Variants in ADNP2 observed in about 807,000 individuals in gnomAD.
ADNP2 encodes the protein activity-dependent neuroprotector homeobox protein 2.
ADNP2 carries 8 observed loss-of-function variants against 16.4 expected under a neutral mutation model. That is an observed-to-expected ratio of 0.49 (90% confidence interval 0.29 to 0.88). ADNP2 has a LOEUF of 0.88. ADNP2 is among the 40% of genes least tolerant of loss of function. The pLI is 0.09. For synonymous variants in ADNP2, 637 were observed against 545.8 expected (o/e 1.17, Z -2.33); for missense variants, 1,397 against 1,395.1 (o/e 1.00, Z -0.02).
chr18:80,116,341 T>G (rs2052389219), intron 1 of ADNP2, among the ~76,000 whole-genome samples: 2 of 152,222 alleles, frequency 1.3e-5, no homozygotes, highest in Non-Finnish European at 2.9e-5. Context: ...AGTGTTGTCA[T>G]GAACATCCTT....
chr18:80,119,526 G>GGT (rs2052411142), intron 2 of ADNP2, among the ~76,000 whole-genome samples: 1 of 152,008 alleles, frequency 6.6e-6, no homozygotes, highest in Non-Finnish European at 1.5e-5. Context: ...CTGTATTTCA[G>GGT]ATTTCAGAGT....
chr18:80,117,944 T>A (rs2052399753), intron 2 of ADNP2, among the ~76,000 whole-genome samples: 1 of 152,196 alleles, frequency 6.6e-6, no homozygotes, highest in Admixed American at 6.5e-5. Flanking sequence ...CTAACTTAAT[T>A]TCCCAGTATT....
At chr18:80,112,014 G>A (rs1441240152) in intron 1 of ADNP2, among the ~76,000 whole-genome samples, 3 of 152,064 alleles carry the variant, frequency 2.0e-5, no homozygotes, top group Non-Finnish European at 4.4e-5. Flanking sequence ...TAAACATTAG[G>A]AATTGAGATT....
At position 80,138,753 on chromosome 18, in the gene ADNP2, G is replaced by A; in HGVS notation, c.3340G>A (p.Asp1114Asn). ...CAAGCCTTCTGTACTTTTAGGCTTT[G>A]ATATGTCTGAACTTAAAAATGTGAA... ...NHKPSVLLGF[D>N]MSELKNVKHR... Residue 1114 changes from aspartate (D) to asparagine (N), a missense_variant, in exon 4 of 4, where the codon GAT becomes AAT. Asp to Asn is a conservative substitution (Grantham distance 23). This residue lies in a region of ADNP2 where 611 missense variants were observed against 648.7 expected (regional missense o/e 0.94). Transcript: ENST00000262198. 1 of 1,591,504 alleles carries A rather than the reference G, an allele frequency of 6.3e-7. No individual in the cohort carries two copies.
intron 2 of ADNP2, among the ~76,000 whole-genome samples, chr18:80,118,820 G>A (rs1162511528): frequency 6.6e-6 from 1 of 152,128 alleles, no homozygotes; most frequent in African/African-American, 2.4e-5. Context: ...CAGAGATACG[G>A]TACTTCACAA....
At chr18:80,124,941 C>A (rs781447811) in intron 2 of ADNP2, among the ~76,000 whole-genome samples, 4 of 151,888 alleles carry the variant, frequency 2.6e-5, no homozygotes, top group Non-Finnish European at 4.4e-5. Flanking sequence ...ATATATAGGC[C>A]CAACTACAAG....
intron 2 of ADNP2, among the ~76,000 whole-genome samples, chr18:80,127,716 T>C (rs945689972): frequency 6.6e-6 from 1 of 152,200 alleles, no homozygotes; most frequent in African/African-American, 2.4e-5. Flanking sequence ...TTCTAGAACA[T>C]GTTTAAGACA....
At chr18:80,110,816 C>T (rs1011695734) in intron 1 of ADNP2, among the ~76,000 whole-genome samples, 5 of 152,174 alleles carry the variant, frequency 3.3e-5, no homozygotes, top group Non-Finnish European at 7.4e-5. Context: ...AAAGGAAGTA[C>T]AAGAGTGAAG....
In ADNP2 at chr18:80,137,272, T is replaced by C. The variant is rs2145217189; in HGVS notation, c.1859T>C (p.Val620Ala). 6.2e-7 allele frequency: 1 copy of C among 1,614,136 alleles called. No individual in the cohort carries two copies. The highest frequency in any genetic ancestry group is 8.5e-7 in the Non-Finnish European group (1 of 1,180,024). ...ATTCCAACCTACACGCTGGCCCCCG[T>C]GTCTGTCACTCTGCCGGTTCCCCCT... ...NGIPTYTLAPVSVTLPVPPGG... is the reference protein window; with the variant it reads ...NGIPTYTLAPASVTLPVPPGG... The change falls in exon 4 of 4, where the codon GTG becomes GCG. Residue 620 changes from valine to alanine, a missense_variant. Physicochemically the swap from Val to Ala is moderately conservative, Grantham distance 64 (BLOSUM62 0). Coordinates refer to ENST00000262198, the MANE Select transcript of ADNP2 (RefSeq NM_014913.4). The surrounding 1 kb of genome is among the most constrained non-coding windows in gnomAD (Gnocchi z 4.2).
Position 80,109,320 on chromosome 18 carries a change from G to C in ADNP2, c.-166G>C, listed in dbSNP as rs2052340645. 1 of 151,052 alleles carries C rather than the reference G, an allele frequency of 6.6e-6. No homozygotes were observed. The highest frequency in any genetic ancestry group is 1.5e-5 in the Non-Finnish European group (1 of 67,738). 9.4% of individuals were successfully genotyped at this position (151,052 alleles called of 1,614,324 possible). On this transcript the variant is annotated 5_prime_UTR_variant, in exon 1 of 4. Transcript: ENST00000262198. ...GGAGGAGGGGACCAGTCGCGCTGGG[G>C]GTGGGCGCGCGCTGAGGCGGGGGTC...
rs1474495433 is a variant in ADNP2 at position 80,117,627 on chromosome 18, G to C, written c.85G>C (p.Asp29His). Residue 29 changes from aspartate (D) to histidine (H), a missense_variant, in exon 2 of 4, where the codon GAC becomes CAC. By Grantham distance (81) the Asp-to-His change is moderately conservative. Around this residue, in one of 3 missense-constraint regions of ADNP2, gnomAD observed 777 missense variants for 719.4 expected, o/e 1.08. Transcript: ENST00000262198. Reference protein sequence around the residue: ...VKGILVDIGLDSCKELLKDLK... With the variant: ...VKGILVDIGLHSCKELLKDLK... ...AGGTATTCTTGTGGATATTGGGCTTGACAGCTGCAAGGAGTTACTGAAGGT... is the reference window on the plus strand; with the variant it reads ...AGGTATTCTTGTGGATATTGGGCTTCACAGCTGCAAGGAGTTACTGAAGGT... 6.2e-7 allele frequency: 1 copy of C among 1,608,344 alleles called. No individual in the cohort carries two copies. The highest frequency in any genetic ancestry group is 1.3e-5 in the African/African-American group (1 of 74,580).
intron 2 of ADNP2, 79 bp downstream of exon 2, chr18:80,117,729 C>A: frequency 9.2e-7 from 1 of 1,081,320 alleles, no homozygotes; most frequent in Non-Finnish European, 1.3e-6. Flanking sequence ...TAAGATTCCT[C>A]AAAATGGAAA....
At chr18:80,130,927 C>G (rs9949257) in intron 2 of ADNP2, among the ~76,000 whole-genome samples, 27,507 of 152,136 alleles carry the variant, frequency 0.18, 2,758 homozygotes, top group Middle Eastern at 0.25. Context: ...TCCCATCTGT[C>G]TTATCCATGG....
chr18:80,128,341 A>G (rs914032634), intron 2 of ADNP2, among the ~76,000 whole-genome samples: 13 of 152,202 alleles, frequency 8.5e-5, no homozygotes, highest in African/African-American at 2.9e-4. Context: ...AAATAACCTA[A>G]TTTTCAGTAG....
chr18:80,125,507 G>A (rs187212031), intron 2 of ADNP2, among the ~76,000 whole-genome samples: 4,896 of 152,250 alleles, frequency 0.032, 115 homozygotes, highest in Non-Finnish European at 0.049. Context: ...GCCAGGCTTG[G>A]TGGCGGGTGC....
chr18:80,122,293 A>G (rs1169126138), intron 2 of ADNP2, among the ~76,000 whole-genome samples: 1 of 152,172 alleles, frequency 6.6e-6, no homozygotes, highest in East Asian at 1.9e-4. Flanking sequence ...GAGTCTTCCA[A>G]CTGTATTCTT....
intron 2 of ADNP2, among the ~76,000 whole-genome samples, chr18:80,128,379 C>T (rs539248605): frequency 5.3e-5 from 8 of 152,166 alleles, no homozygotes; most frequent in African/African-American, 1.4e-4. Context: ...TGGCCAGGTG[C>T]GGTGGCTCAT....
At chr18:80,132,362 C>G (rs751399234) in intron 2 of ADNP2, among the ~76,000 whole-genome samples, 6 of 152,172 alleles carry the variant, frequency 3.9e-5, no homozygotes, top group African/African-American at 1.2e-4. Context: ...TTTCTTGTCA[C>G]TGTTCTCTAA....
rs765933965 is a variant in ADNP2 at position 80,137,471 on chromosome 18, G to A, written c.2058G>A (p.Val686=). 1.4e-5 allele frequency: 23 copies of A among 1,614,088 alleles called. No individual in the cohort carries two copies. Among genetic ancestry groups the A allele is most frequent in the Non-Finnish European group, 1.9e-5 (22 of 1,180,042 alleles). The change falls in exon 4 of 4, where the codon GTG becomes GTA. Residue 686 remains valine (V), a synonymous_variant. Coordinates refer to ENST00000262198, the MANE Select transcript of ADNP2 (RefSeq NM_014913.4). This position sits in a 1 kb window ranked among gnomAD's most constrained non-coding sequence, Gnocchi z 4.2. ...CCTCTGCAGCAGACACAAACCAGGT[G>A]CTCAAACAGGCCAAGCAGTGGAAGA... ...ASSSAADTNQ[V]LKQAKQWKTC...
Sources: gnomAD v4.1 joint callset for allele counts (sites outside exome capture counted in the v4.1 genomes callset) on GRCh38, gnomAD v4.1.1 for gene constraint, gnomAD v4.1.1 regional missense constraint, Gnocchi (gnomAD v3.1) non-coding constraint, MANE v1.5 for transcripts, NCBI Gene and HGNC (gene_info 2026-07-23, HGNC 2026-07-21) for gene names.